NMBR: variants seen among roughly 807,000 people sequenced by gnomAD.
NMBR encodes the protein neuromedin B receptor, also known as neuromedin-B receptor.
In NMBR, 16 loss-of-function variants were observed where a neutral mutation model predicts 20.5. That is an observed-to-expected ratio of 0.78 (90% CI 0.53 to 1.19). The LOEUF (loss-of-function observed/expected upper bound fraction) is 1.19, where lower values mean the gene tolerates loss of function less well. Ranked by LOEUF, NMBR falls within the 50% of genes most tolerant of loss-of-function variation. The pLI is 0.00. For missense variants in NMBR, 582 were observed against 499.1 expected (o/e 1.17, Z -1.58); for synonymous variants, 212 against 196.6 (o/e 1.08, Z -0.65).
rs1211093976 is a variant in NMBR, at chr6:142,075,667, T to C, written c.1154A>G (p.Lys385Arg). ...CCAAAATCACAGTGCCATTTCCTGC[T>C]TCATGCTGTGCCCATTTAGTAAAAC... ...NSVLLNGHSM[K>R]QEMAL is the part of the protein sequence containing the mutation. The change falls in exon 4 of 4, where the codon AAG becomes AGG. Residue 385 changes from lysine (K) to arginine (R), a missense_variant. Coordinates refer to ENST00000258042, the MANE Select transcript of NMBR (RefSeq NM_002511.4). The C allele has an allele frequency of 6.2e-7, 1 of 1,611,376 alleles. No individual in the cohort carries two copies. Among genetic ancestry groups the C allele is most frequent in the African/African-American group, 1.3e-5 (1 of 74,864 alleles).
At chr6:142,133,812 G>A (rs943249557) in intron 1 of NMBR, 2 of 601,570 alleles carry the variant, frequency 3.3e-6, no homozygotes, top group African/African-American at 1.8e-5. Context: ...TTTAATGTTT[G>A]TGTTTAAAAG....
chr6:142,141,974 T>C (rs1778369851), intron 1 of NMBR, among the ~76,000 whole-genome samples: 1 of 152,046 alleles, frequency 6.6e-6, no homozygotes. Flanking sequence ...TTTGATAATA[T>C]GAGATAATAA....
rs186424885 is a variant in NMBR at position 142,078,211 on chromosome 6, T to C, written c.771+344A>G. On this transcript the variant is annotated intron_variant, in intron 3 of 3. Coordinates refer to ENST00000258042, the MANE Select transcript of NMBR (RefSeq NM_002511.4). Reference sequence around the variant, plus strand: ...GGGTTAATGGGAGAAGAGACAATAATCAAATTAATGTATGCTCATATGTGA... The same window carrying C: ...GGGTTAATGGGAGAAGAGACAATAACCAAATTAATGTATGCTCATATGTGA... 2.4e-4 allele frequency among the ~76,000 whole-genome samples: 37 copies of C among 152,316 alleles called. No homozygotes were observed. In the East Asian group the frequency reaches 5.2e-3, roughly 21 times the overall value.
intron 1 of NMBR, among the ~76,000 whole-genome samples, chr6:142,101,783 T>A (rs573839185): frequency 6.0e-4 from 91 of 152,254 alleles, no homozygotes; most frequent in African/African-American, 2.0e-3. Flanking sequence ...TGACCAAAAC[T>A]TCAGGCCTTA....
rs767510484 is a variant in NMBR, at chr6:142,078,769, C to T, written c.557G>A (p.Arg186His). The change falls in exon 3 of 4, where the codon CGC becomes CAC. Residue 186 changes from arginine to histidine, a missense_variant. Physicochemically the swap from Arg to His is conservative, Grantham distance 29 (BLOSUM62 0). Transcript: ENST00000258042. ...VPEAVFSEVARISSLDNSSFT... is the reference protein window; with the variant it reads ...VPEAVFSEVAHISSLDNSSFT... ...GCTGCTATTATCCAAGCTACTGATGCGAGCCACTTCTGAAAACACCGCTTC... is the reference window on the plus strand; with the variant it reads ...GCTGCTATTATCCAAGCTACTGATGTGAGCCACTTCTGAAAACACCGCTTC... 29 of 1,613,410 alleles carry T rather than the reference C, an allele frequency of 1.8e-5. No individual in the cohort carries two copies. Among genetic ancestry groups the T allele is most frequent in the East Asian group, 2.2e-5 (1 of 44,756 alleles).
intron 1 of NMBR, among the ~76,000 whole-genome samples, chr6:142,145,868 C>T: frequency 6.6e-6 from 1 of 152,034 alleles, no homozygotes; most frequent in East Asian, 1.9e-4. Context: ...GTGAGAATGC[C>T]TGGAGTGGGC....
At chr6:142,114,546 T>A (rs1414916713) in intron 1 of NMBR, among the ~76,000 whole-genome samples, 2 of 152,146 alleles carry the variant, frequency 1.3e-5, no homozygotes, top group Non-Finnish European at 1.5e-5. Flanking sequence ...GCCTAGCTGA[T>A]GTCAACAGCA....
At chr6:142,100,629 T>C (rs991851402) in intron 1 of NMBR, among the ~76,000 whole-genome samples, 3 of 152,176 alleles carry the variant, frequency 2.0e-5, no homozygotes, top group African/African-American at 4.8e-5. Context: ...TGTAGAAATG[T>C]GTAATTATAG....
At chr6:142,113,491 T>C (rs1281816363) in intron 1 of NMBR, among the ~76,000 whole-genome samples, 1 of 152,174 alleles carries the variant, frequency 6.6e-6, no homozygotes. Context: ...ATATAAGAGA[T>C]GTTCCTCTCA....
At position 142,080,438 on chromosome 6, in the gene NMBR, G is replaced by A. The variant is rs144066925; in HGVS notation, c.423-1535C>T. Among the ~76,000 whole-genome samples the A allele has an allele frequency of 1.2e-3, 175 of 149,972 alleles. 1 individual carries two copies. The highest frequency in any genetic ancestry group is 4.1e-3 in the African/African-American group (167 of 40,720). The stretch of plus-strand genomic sequence containing the variant: ...CAATCCTCCCACCTTAGCCTCCCAA[G>A]TAGCTAGGACTACAGGTGTATGCCA... On this transcript the variant is annotated intron_variant, in intron 2 of 3. Coordinates refer to ENST00000258042, the MANE Select transcript of NMBR (RefSeq NM_002511.4).
intron 2 of NMBR, among the ~76,000 whole-genome samples, chr6:142,083,838 A>C (rs956297459): frequency 1.3e-5 from 2 of 152,128 alleles, no homozygotes; most frequent in African/African-American, 4.8e-5. Context: ...TAAGTTACCA[A>C]ATTTCAGGTA....
chr6:142,102,065 A>G (rs1777573792), intron 1 of NMBR, among the ~76,000 whole-genome samples: 1 of 152,152 alleles, frequency 6.6e-6, no homozygotes, highest in African/African-American at 2.4e-5. Flanking sequence ...CAAACCAACT[A>G]CAATCAAACA....
At chr6:142,080,497 A>G (rs1032355194) in intron 2 of NMBR, among the ~76,000 whole-genome samples, 1 of 151,790 alleles carries the variant, frequency 6.6e-6, no homozygotes, top group African/African-American at 2.4e-5. Flanking sequence ...TTTTGTAGAC[A>G]GGAGGTTTTG....
intron 1 of NMBR, among the ~76,000 whole-genome samples, chr6:142,139,735 CCTA>C (rs1409365331): frequency 6.6e-6 from 1 of 152,170 alleles, no homozygotes; most frequent in Non-Finnish European, 1.5e-5. Flanking sequence ...TCACTACCGA[CCTA>C]CTATGATTTC....
At chr6:142,141,158 A>G (rs1318521321) in intron 1 of NMBR, among the ~76,000 whole-genome samples, 3 of 152,206 alleles carry the variant, frequency 2.0e-5, no homozygotes, top group East Asian at 3.8e-4. Context: ...AACATTCACC[A>G]AAAGAGATCA....
intron 1 of NMBR, among the ~76,000 whole-genome samples, chr6:142,128,537 G>C (rs1225129796): frequency 6.6e-6 from 1 of 151,998 alleles, no homozygotes; most frequent in Non-Finnish European, 1.5e-5. Context: ...GTTGAGGTAA[G>C]TTCCTTTTAT....
At chr6:142,101,496 CT>C (rs763667826) in intron 1 of NMBR, among the ~76,000 whole-genome samples, 11 of 152,052 alleles carry the variant, frequency 7.2e-5, no homozygotes, top group Non-Finnish European at 1.6e-4. Context: ...AGAACAAGGA[CT>C]TCAGATTATT....
At chr6:142,134,663 T>G in intron 1 of NMBR, 1 of 695,552 alleles carries the variant, frequency 1.4e-6, no homozygotes, top group South Asian at 1.5e-5. Flanking sequence ...ATACTCTCTG[T>G]TTTATTAAGA....
At chr6:142,125,300 A>C (rs1562245202) in intron 1 of NMBR, among the ~76,000 whole-genome samples, 1 of 151,918 alleles carries the variant, frequency 6.6e-6, no homozygotes, top group South Asian at 2.1e-4. Context: ...ACATATATAG[A>C]GATTACTTCC....
Sources: allele counts gnomAD v4.1 joint callset (sites outside exome capture counted in the v4.1 genomes callset), GRCh38; gene constraint gnomAD v4.1.1; transcripts MANE v1.5; gene names NCBI Gene and HGNC (gene_info 2026-07-23, HGNC 2026-07-21).